Variants in SUPT3H observed in about 807,000 individuals in gnomAD.
SUPT3H encodes transcription initiation protein SPT3 homolog.
Under a neutral mutation model 44.3 loss-of-function variants are expected in SUPT3H, and 44 were observed. The observed-to-expected ratio is 0.99, with a 90% confidence interval of 0.78 to 1.28. SUPT3H has a LOEUF of 1.28. Among genes scored for constraint, SUPT3H ranks in the 50% most tolerant of loss-of-function variants. SUPT3H has a pLI of 0.00. For missense variants in SUPT3H, 380 were observed against 387.1 expected, an observed-to-expected ratio of 0.98 and a Z score of 0.15; for synonymous variants, 124 against 125.6, an observed-to-expected ratio of 0.99 and a Z score of 0.09.
At chr6:45,294,194 T>C (rs1220592312) in intron 2 of SUPT3H, among the ~76,000 whole-genome samples, 1 of 152,170 alleles carries the variant, frequency 6.6e-6, no homozygotes, top group African/African-American at 2.4e-5. Flanking sequence ...CACAAGTTAA[T>C]AAATGTGATA....
intron 10 of SUPT3H, among the ~76,000 whole-genome samples, chr6:44,924,625 C>T (rs574640883): frequency 1.3e-5 from 2 of 152,150 alleles, no homozygotes; most frequent in South Asian, 4.1e-4. Flanking sequence ...AGCTGCTGTA[C>T]ACAGAAAAGG....
intron 10 of SUPT3H, among the ~76,000 whole-genome samples, chr6:44,887,857 T>C (rs924303125): frequency 2.6e-5 from 4 of 151,672 alleles, no homozygotes; most frequent in South Asian, 2.1e-4. Flanking sequence ...ATCAACAAAA[T>C]TGATAGACTG....
In SUPT3H at chr6:45,152,970, T is replaced by A. The variant is rs562028864; in HGVS notation, c.102-46964A>T. On this transcript the variant is annotated intron_variant, in intron 2 of 10. Transcript: ENST00000371459. ...TACCAAATAGCCTTTGTGATGTTCC[T>A]CAAACACACCAAATACATTCCTCCC... 2.0e-5 allele frequency among the ~76,000 whole-genome samples: 3 copies of A among 152,292 alleles called. No individual in the cohort carries two copies. In the East Asian group the frequency reaches 5.8e-4, roughly 29 times the overall value.
chr6:45,025,304 T>C (rs2396374), intron 3 of SUPT3H, among the ~76,000 whole-genome samples: 18,003 of 152,168 alleles, frequency 0.12, 1,259 homozygotes, highest in African/African-American at 0.19. Context: ...TAAATGCAGT[T>C]CATAATAGCT....
At chr6:45,118,689 C>A (rs992491457) in intron 2 of SUPT3H, among the ~76,000 whole-genome samples, 6 of 152,080 alleles carry the variant, frequency 3.9e-5, no homozygotes, top group Non-Finnish European at 7.4e-5. Context: ...TCGAGGGGTA[C>A]GACCCTTGGG....
intron 2 of SUPT3H, among the ~76,000 whole-genome samples, chr6:45,331,504 C>A (rs1787502997): frequency 6.6e-6 from 1 of 151,804 alleles, no homozygotes. Flanking sequence ...AACTAGGGAG[C>A]AGAATTACAA....
At chr6:44,873,493 C>G (rs9395052) in intron 10 of SUPT3H, among the ~76,000 whole-genome samples, 27,848 of 46,256 alleles carry the variant, frequency 0.6, 9,561 homozygotes, top group East Asian at 0.95. Flanking sequence ...GGGACGCATT[C>G]AAAGCAGTGT....
At chr6:45,275,798 T>C (rs1221006630) in intron 2 of SUPT3H, among the ~76,000 whole-genome samples, 1 of 152,140 alleles carries the variant, frequency 6.6e-6, no homozygotes, top group Non-Finnish European at 1.5e-5. Context: ...ACATAAATTA[T>C]TTAAAAATAA....
At chr6:44,992,814 C>T (rs1241611200) in intron 6 of SUPT3H, among the ~76,000 whole-genome samples, 3 of 152,060 alleles carry the variant, frequency 2.0e-5, no homozygotes, top group Non-Finnish European at 4.4e-5. Context: ...TATAAAATTT[C>T]TCTACAGCAA....
intron 7 of SUPT3H, among the ~76,000 whole-genome samples, chr6:44,956,574 G>C (rs963872589): frequency 7.9e-5 from 12 of 151,130 alleles, no homozygotes; most frequent in Non-Finnish European, 1.6e-4. Context: ...ACTGACATCT[G>C]GTCTAATCTA....
At chr6:44,897,676 A>T (rs1764313886) in intron 10 of SUPT3H, among the ~76,000 whole-genome samples, 1 of 152,306 alleles carries the variant, frequency 6.6e-6, no homozygotes, top group Non-Finnish European at 1.5e-5. Flanking sequence ...ATCACTGGAC[A>T]TCTACTTGTA....
intron 2 of SUPT3H, among the ~76,000 whole-genome samples, chr6:45,217,592 T>G (rs1765298250): frequency 6.6e-6 from 1 of 152,066 alleles, no homozygotes; most frequent in Non-Finnish European, 1.5e-5. Context: ...TAGTCAAAAA[T>G]ACTATATATT....
intron 2 of SUPT3H, among the ~76,000 whole-genome samples, chr6:45,220,684 A>C (rs1765886477): frequency 6.6e-6 from 1 of 152,212 alleles, no homozygotes; most frequent in African/African-American, 2.4e-5. Context: ...AATCACAAAG[A>C]ATCTACAAAA....
chr6:45,210,869 G>A (rs893620248), intron 2 of SUPT3H, among the ~76,000 whole-genome samples: 1 of 152,164 alleles, frequency 6.6e-6, no homozygotes, highest in Non-Finnish European at 1.5e-5. Flanking sequence ...AAGCATGTCT[G>A]TGCTTCCAGT....
intron 2 of SUPT3H, among the ~76,000 whole-genome samples, chr6:45,245,409 C>A (rs1562782499): frequency 6.6e-6 from 1 of 152,012 alleles, no homozygotes; most frequent in African/African-American, 2.4e-5. Flanking sequence ...TTCTATCATA[C>A]CAAGCTGAAA....
At chr6:45,326,746 C>T (rs943526985) in intron 2 of SUPT3H, among the ~76,000 whole-genome samples, 11 of 151,882 alleles carry the variant, frequency 7.2e-5, no homozygotes, top group Non-Finnish European at 1.3e-4. Flanking sequence ...GAACCAAAAG[C>T]AGATAATGAA....
intron 2 of SUPT3H, among the ~76,000 whole-genome samples, chr6:45,312,686 G>T (rs982490842): frequency 6.5e-5 from 9 of 138,344 alleles, no homozygotes; most frequent in Admixed American, 2.9e-4. Context: ...ATAATGTGGG[G>T]GGGGGGGGGG....
chr6:45,160,333 TA>T (rs1263801755), intron 2 of SUPT3H, among the ~76,000 whole-genome samples: 1 of 152,160 alleles, frequency 6.6e-6, no homozygotes, highest in Non-Finnish European at 1.5e-5. Context: ...ACAGTAGTCG[TA>T]TAACAGTAGT....
At chr6:45,207,200 G>A (rs933908047) in intron 2 of SUPT3H, among the ~76,000 whole-genome samples, 8 of 152,146 alleles carry the variant, frequency 5.3e-5, no homozygotes, top group African/African-American at 1.9e-4. Context: ...AGAAGACTGA[G>A]GTGTTCTGGA....
Sources: gnomAD v4.1 joint callset for allele counts (sites outside exome capture counted in the v4.1 genomes callset) on GRCh38, gnomAD v4.1.1 for gene constraint, MANE v1.5 for transcripts, NCBI Gene and HGNC (gene_info 2026-07-23, HGNC 2026-07-21) for gene names.